Variants in POU2F1 observed in about 807,000 individuals in gnomAD.
POU2F1 encodes the protein POU domain, class 2, transcription factor 1.
POU2F1 carries 16 observed loss-of-function variants against 84.9 expected under a neutral mutation model. That is an observed-to-expected ratio of 0.19 (90% confidence interval 0.13 to 0.29). The LOEUF (loss-of-function observed/expected upper bound fraction) is 0.29, where lower values mean the gene tolerates loss of function less well. POU2F1 is among the 10% of genes least tolerant of loss of function. POU2F1 has a pLI of 1.00. For missense variants in POU2F1, 738 were observed against 942.6 expected, an observed-to-expected ratio of 0.78 and a Z score of 2.84; for synonymous variants, 368 against 368.3, an observed-to-expected ratio of 1.00 and a Z score of 0.01.
chr1:167,389,985 A>G (rs1648278744), intron 9 of POU2F1, among the ~76,000 whole-genome samples: 1 of 152,240 alleles, frequency 6.6e-6, no homozygotes, highest in Non-Finnish European at 1.5e-5. Flanking sequence ...CATTATATTA[A>G]GTATTATAAG....
chr1:167,365,285 C>A (rs927281314), intron 2 of POU2F1, among the ~76,000 whole-genome samples, 182 bp from the exon 3 acceptor site: 1 of 152,334 alleles, frequency 6.6e-6, no homozygotes, highest in Non-Finnish European at 1.5e-5. Context: ...ACTTGTCATG[C>A]AGTCCTGCTT....
At chr1:167,307,284 G>T (rs895947071) in intron 1 of POU2F1, among the ~76,000 whole-genome samples, 1 of 151,984 alleles carries the variant, frequency 6.6e-6, no homozygotes, top group Non-Finnish European at 1.5e-5. Context: ...GTAAAATGTG[G>T]ACTCCTCTAT....
intron 12 of POU2F1, 146 bp downstream of exon 12, chr1:167,399,511 CCA>C (rs1221423849): frequency 5.3e-6 from 4 of 753,158 alleles, no homozygotes; most frequent in Non-Finnish European, 8.4e-6. Context: ...TTAGACATTA[CCA>C]AGGTAATGAA....
At chr1:167,250,110 A>G (rs1208232978) in intron 1 of POU2F1, among the ~76,000 whole-genome samples, 4 of 152,168 alleles carry the variant, frequency 2.6e-5, no homozygotes, top group African/African-American at 9.7e-5. Context: ...ATTTTCTAAC[A>G]TAACACTTAA....
At chr1:167,365,593 G>T in intron 3 of POU2F1, 26 bp downstream of exon 3, 1 of 1,523,506 alleles carries the variant, frequency 6.6e-7, no homozygotes, top group East Asian at 2.4e-5. Context: ...TCAACCATCA[G>T]TGAGAGTGAA....
chr1:167,348,853 A>G (rs1248647481), intron 2 of POU2F1, among the ~76,000 whole-genome samples: 1 of 152,194 alleles, frequency 6.6e-6, no homozygotes, highest in East Asian at 1.9e-4. Context: ...AAGAGCAAGT[A>G]AGTGCTCTGC....
rs1456357323 is a variant in POU2F1 at position 167,425,587 on chromosome 1, C to G, written c.*9777C>G. 1 of 152,282 alleles carries G rather than the reference C, an allele frequency of 6.6e-6. No homozygotes were observed. The highest frequency in any genetic ancestry group is 1.5e-5 in the Non-Finnish European group (1 of 68,130). The allele number at this position is 152,282 out of a possible 1,614,324, so 9.4% of individuals were successfully genotyped here. On this transcript the variant is annotated 3_prime_UTR_variant, in exon 16 of 16. Transcript: ENST00000367866. ...ATCACCACCATCATCCACCCTACAC[C>G]AACCAGGGTCACTATGGGGACTTAG...
chr1:167,366,773 T>C (rs2101833126), intron 3 of POU2F1, among the ~76,000 whole-genome samples: 1 of 152,226 alleles, frequency 6.6e-6, no homozygotes, highest in East Asian at 1.9e-4. Flanking sequence ...GAAAAAAATG[T>C]TTTCATGTTG....
intron 3 of POU2F1, among the ~76,000 whole-genome samples, chr1:167,368,545 A>G (rs1557932398): frequency 6.6e-6 from 1 of 152,192 alleles, no homozygotes; most frequent in Non-Finnish European, 1.5e-5. Flanking sequence ...AAACGTAATA[A>G]GTAAAAATCA....
At chr1:167,285,766 G>A (rs186488281) in intron 1 of POU2F1, among the ~76,000 whole-genome samples, 74 of 152,156 alleles carry the variant, frequency 4.9e-4, no homozygotes, top group Admixed American at 8.5e-4. Flanking sequence ...TGTGCAAGGC[G>A]CTGTGGTAGG....
Position 167,305,469 on chromosome 1 carries a change from G to A in POU2F1, c.62-27001G>A, listed in dbSNP as rs563600469. ...CCCGCCTTGGCCTCCCAAATTGCGG[G>A]GATTACAGGCATGAGCCACTGCACC... On this transcript the variant is annotated intron_variant, in intron 1 of 15. Coordinates refer to ENST00000367866, the MANE Select transcript of POU2F1 (RefSeq NM_002697.4). 5.3e-5 allele frequency among the ~76,000 whole-genome samples: 8 copies of A among 152,218 alleles called. No homozygotes were observed. The South Asian group carries it at 1.7e-3, about 32-fold the overall frequency.
intron 13 of POU2F1, among the ~76,000 whole-genome samples, chr1:167,402,007 A>G (rs1035230854): frequency 6.6e-6 from 1 of 152,214 alleles, no homozygotes; most frequent in Admixed American, 6.5e-5. Flanking sequence ...TGTATTATAA[A>G]TGATTTTATT....
intron 1 of POU2F1, among the ~76,000 whole-genome samples, chr1:167,229,243 G>C (rs550685365): frequency 6.6e-6 from 1 of 151,914 alleles, no homozygotes; most frequent in Non-Finnish European, 1.5e-5. Flanking sequence ...TAGATGCAAA[G>C]AGATTATCAA....
intron 1 of POU2F1, among the ~76,000 whole-genome samples, chr1:167,254,753 T>G (rs1651008572): frequency 6.6e-6 from 1 of 152,232 alleles, no homozygotes; most frequent in Non-Finnish European, 1.5e-5. Context: ...CGTTTCTCTA[T>G]CCCTCTACCC....
intron 1 of POU2F1, among the ~76,000 whole-genome samples, chr1:167,221,174 G>A (rs533175344): frequency 1.3e-5 from 2 of 151,636 alleles, no homozygotes; most frequent in Non-Finnish European, 1.5e-5. Context: ...AAGGGGCAAA[G>A]GGGGCTGCGA....
rs2101974172 is a variant in POU2F1, at chr1:167,425,984, G to A, written c.*10174G>A. 2 of 149,752 alleles carry A rather than the reference G, an allele frequency of 1.3e-5. No homozygotes were observed. Among genetic ancestry groups the A allele is most frequent in the South Asian group, 4.3e-4 (2 of 4,644 alleles). The allele number at this position is 149,752 out of a possible 1,614,324, so 9.3% of individuals were successfully genotyped here. A position where few individuals can be genotyped will look rare whatever the true frequency, so the allele number is the denominator to read the frequency against. Reference sequence around the variant, plus strand: ...GGGGGGTGGGGGGATTGCAAATGAAGGAACTTTTTACATGGATCTTTTTAA... The same window carrying A: ...GGGGGGTGGGGGGATTGCAAATGAAAGAACTTTTTACATGGATCTTTTTAA... On this transcript the variant is annotated 3_prime_UTR_variant, in exon 16 of 16. Transcript: ENST00000367866.
chr1:167,416,153 T>A lies in POU2F1; in HGVS notation c.*343T>A. ...AACAAAAATAAGTGAAAGGACTACT[T>A]ATCATTTCCAGCAGTCATGATGACA... On this transcript the variant is annotated 3_prime_UTR_variant, in exon 16 of 16. Coordinates refer to ENST00000367866, the MANE Select transcript of POU2F1 (RefSeq NM_002697.4). 1 of 412,124 alleles carries A rather than the reference T, an allele frequency of 2.4e-6. No homozygotes were observed. The highest frequency in any genetic ancestry group is 2.1e-5 in the South Asian group (1 of 48,738). The allele number at this position is 412,124 out of a possible 1,614,324, so 25.5% of individuals were successfully genotyped here. A position where few individuals can be genotyped will look rare whatever the true frequency, so the allele number is the denominator to read the frequency against.
rs1052787350 is a variant in POU2F1 at position 167,309,244 on chromosome 1, T to C, written c.62-23226T>C. Among the ~76,000 whole-genome samples, 8 of 152,286 alleles carry C rather than the reference T, an allele frequency of 5.3e-5. No individual in the cohort carries two copies. The South Asian group carries it at 8.3e-4, about 16-fold the overall frequency. ...GCACTCCATGGACAGAACTAGAGAATAGAATATATGTATATGTGTGTGTAT... is the reference window on the plus strand; with the variant it reads ...GCACTCCATGGACAGAACTAGAGAACAGAATATATGTATATGTGTGTGTAT... On this transcript the variant is annotated intron_variant, in intron 1 of 15. Transcript: ENST00000367866.
chr1:167,372,444 T>G (rs575598025), intron 5 of POU2F1, among the ~76,000 whole-genome samples: 13 of 152,336 alleles, frequency 8.5e-5, no homozygotes, highest in African/African-American at 2.6e-4. Context: ...AACATTTTTC[T>G]TTAAGTTACT....
Sources: gnomAD v4.1 joint callset for allele counts (sites outside exome capture counted in the v4.1 genomes callset) on GRCh38, gnomAD v4.1.1 for gene constraint, MANE v1.5 for transcripts, NCBI Gene and HGNC (gene_info 2026-07-23, HGNC 2026-07-21) for gene names.